The following LHCGR variants were observed in gnomAD, a reference collection of about 807,000 sequenced individuals.
The protein encoded by LHCGR is lutropin-choriogonadotropic hormone receptor.
LHCGR carries 55 observed loss-of-function variants against 60.7 expected under a neutral mutation model. The ratio of observed to expected loss-of-function variants is 0.91; its 90% confidence interval spans 0.73 to 1.13. The LOEUF (loss-of-function observed/expected upper bound fraction) is 1.13. Ranked by LOEUF, LHCGR falls within the 50% of genes most tolerant of loss-of-function variation. The pLI is 0.00. For missense variants in LHCGR, 862 were observed against 836.0 expected (o/e 1.03, Z -0.38); for synonymous variants, 337 against 316.5 (o/e 1.06, Z -0.69).
intron 1 of LHCGR, among the ~76,000 whole-genome samples, chr2:48,735,171 T>C (rs912449375): frequency 2.0e-5 from 3 of 152,186 alleles, no homozygotes; most frequent in Non-Finnish European, 2.9e-5. Context: ...ATCTACTCAT[T>C]AATCTCATCT....
rs149019093 is a variant in LHCGR, at chr2:48,729,202, C to T, written c.259G>A (p.Glu87Lys). ...KIEISQIDSL[E>K]RIEANAFDNL... ...TCAAAGGCATTAGCTTCTATCCTTT[C>T]CAGGGAATCAATCTGAGAGATTTCA... Residue 87 changes from glutamate to lysine, a missense_variant, in exon 3 of 11, where the codon GAA (glutamate) becomes AAA (lysine). By Grantham distance (56) the Glu-to-Lys change is moderately conservative. Transcript: ENST00000294954. 6.2e-7 allele frequency: 1 copy of T among 1,611,180 alleles called. No individual in the cohort carries two copies. Among genetic ancestry groups the T allele is most frequent in the Non-Finnish European group, 8.5e-7 (1 of 1,178,362 alleles).
intron 1 of LHCGR, among the ~76,000 whole-genome samples, chr2:48,754,226 T>C (rs1572903131): frequency 1.3e-5 from 2 of 152,336 alleles, no homozygotes; most frequent in East Asian, 3.9e-4. Flanking sequence ...ACCACAATTA[T>C]TCCCAGAAGG....
Position 48,731,314 on chromosome 2 carries a change from GGAA to G in LHCGR, c.162-19_162-17del. ...GGCAAGTGATCTAGAAAAGAAAAAA[GGAA>G]ATCCAAGAGTTTAAGATTTATGATA... On this transcript the variant is annotated splice_polypyrimidine_tract_variant and intron_variant, in intron 1 of 10. Coordinates refer to ENST00000294954, the MANE Select transcript of LHCGR (RefSeq NM_000233.4). 1.9e-6 allele frequency: 3 copies of G among 1,589,118 alleles called. No individual in the cohort carries two copies. Among genetic ancestry groups the G allele is most frequent in the Non-Finnish European group, 1.7e-6 (2 of 1,160,538 alleles).
At chr2:48,724,746 C>G (rs1453004502) in intron 4 of LHCGR, among the ~76,000 whole-genome samples, 3 of 152,122 alleles carry the variant, frequency 2.0e-5, no homozygotes, top group Non-Finnish European at 4.4e-5. Context: ...GCCCTATAGA[C>G]ACCCTGGAGG....
chr2:48,749,772 G>A (rs2103735409), intron 1 of LHCGR, among the ~76,000 whole-genome samples: 1 of 151,860 alleles, frequency 6.6e-6, no homozygotes. Context: ...ACTCTCCAAG[G>A]AGGGAGCTGG....
intron 1 of LHCGR, among the ~76,000 whole-genome samples, chr2:48,738,847 G>A (rs1669313032): frequency 6.6e-6 from 1 of 152,210 alleles, no homozygotes; most frequent in African/African-American, 2.4e-5. Context: ...TAAATTAAAT[G>A]TTTTATTCAA....
At chr2:48,689,565 G>A (rs1572806638) in intron 10 of LHCGR, among the ~76,000 whole-genome samples, 2 of 152,182 alleles carry the variant, frequency 1.3e-5, no homozygotes, top group East Asian at 3.8e-4. Flanking sequence ...TGGACAATAG[G>A]AAGAGATGGT....
chr2:48,718,922 T>G (rs1668378466), intron 6 of LHCGR, among the ~76,000 whole-genome samples: 1 of 152,228 alleles, frequency 6.6e-6, no homozygotes, highest in Non-Finnish European at 1.5e-5. Flanking sequence ...TCAGCAGCAC[T>G]GAGTTTTCAT....
chr2:48,737,782 T>G (rs1159588590), intron 1 of LHCGR, among the ~76,000 whole-genome samples: 1 of 152,222 alleles, frequency 6.6e-6, no homozygotes, highest in Admixed American at 6.5e-5. Flanking sequence ...TGGTTTTGAT[T>G]ATTGTTGATT....
Position 48,694,225 on chromosome 2 carries a change from GTGTTTTGT to G in LHCGR, c.938_945del (p.Asn313ThrfsTer8). ...GTTTCCTTGCATGCAAATACTTACA[GTGTTTTGT>G]TATTCACTTTCCTTACTGTGCTTTC... On this transcript the variant is annotated frameshift_variant and splice_region_variant, in exon 10 of 11. Transcript: ENST00000294954. LOFTEE classifies it high-confidence loss of function. 6.5e-7 allele frequency: 1 copy of G among 1,530,266 alleles called. No homozygotes were observed. The highest frequency in any genetic ancestry group is 9.0e-7 in the Non-Finnish European group (1 of 1,107,448). 94.8% of individuals were successfully genotyped at this position (1,530,266 alleles called of 1,614,324 possible). A position where few individuals can be genotyped will look rare whatever the true frequency, so the allele number is the denominator to read the frequency against.
At chr2:48,708,569 CACAT>C (rs1667814591) in intron 8 of LHCGR, among the ~76,000 whole-genome samples, 2 of 124,000 alleles carry the variant, frequency 1.6e-5, no homozygotes, top group South Asian at 2.7e-4. Flanking sequence ...CACACACACA[CACAT>C]GCACACACAT....
chr2:48,724,703 T>C (rs1168796668), intron 4 of LHCGR, among the ~76,000 whole-genome samples: 1 of 152,242 alleles, frequency 6.6e-6, no homozygotes, highest in Non-Finnish European at 1.5e-5. Context: ...CTTATGTTTT[T>C]TCAAAGTAGT....
At chr2:48,709,453 T>A (rs7586281) in intron 7 of LHCGR, among the ~76,000 whole-genome samples, 62,955 of 151,746 alleles carry the variant, frequency 0.41, 14,390 homozygotes, top group African/African-American at 0.62. Flanking sequence ...TAGTAATTTA[T>A]TGAAGTTTGC....
At chr2:48,733,220 A>G (rs900470521) in intron 1 of LHCGR, 2 of 267,214 alleles carry the variant, frequency 7.5e-6, no homozygotes, top group African/African-American at 4.5e-5. Flanking sequence ...TTTACATAAA[A>G]GCTTCAGCAG....
chr2:48,702,439 G>T (rs1281543039), intron 8 of LHCGR, among the ~76,000 whole-genome samples: 1 of 151,942 alleles, frequency 6.6e-6, no homozygotes, highest in Non-Finnish European at 1.5e-5. Context: ...ACAGGCCCTG[G>T]TGTGTGATGT....
At chr2:48,717,833 C>CTTTTTTTTTTTTTTTTTTTTTTTTTT (rs10711529) in intron 6 of LHCGR, among the ~76,000 whole-genome samples, 1 of 68,976 alleles carries the variant, frequency 1.4e-5, no homozygotes, top group Non-Finnish European at 2.7e-5. Context: ...TTTTCCATGT[C>CTTTTTTTTTTTTTTTTTTTTTTTTTT]TTTTTTTTTT....
At chr2:48,751,606 G>A (rs954749572) in intron 1 of LHCGR, among the ~76,000 whole-genome samples, 1 of 152,162 alleles carries the variant, frequency 6.6e-6, no homozygotes, top group Non-Finnish European at 1.5e-5. Context: ...GCTTCTCAAA[G>A]ACACTACGGC....
chr2:48,747,568 T>TATGCTGGG (rs1479542476), intron 1 of LHCGR, among the ~76,000 whole-genome samples: 1 of 152,238 alleles, frequency 6.6e-6, no homozygotes, highest in African/African-American at 2.4e-5. Context: ...AGATCGATTC[T>TATGCTGGG]ATGCTGGGTG....
chr2:48,747,773 C>G (rs1669777375), intron 1 of LHCGR, among the ~76,000 whole-genome samples: 9 of 152,198 alleles, frequency 5.9e-5, no homozygotes, highest in Admixed American at 5.2e-4. Context: ...AAGTTAATCT[C>G]TTATGATTAA....
Sources: allele counts gnomAD v4.1 joint callset (sites outside exome capture counted in the v4.1 genomes callset), GRCh38; gene constraint gnomAD v4.1.1; transcripts MANE v1.5; gene names NCBI Gene and HGNC (gene_info 2026-07-23, HGNC 2026-07-21).